SNX4: variants seen among roughly 807,000 people sequenced by gnomAD.
SNX4 encodes the protein sorting nexin-4.
A neutral mutation model predicts 70.8 loss-of-function variants in SNX4; 49 were observed. The observed-to-expected ratio is 0.69, with a 90% CI of 0.55 to 0.88. The LOEUF (loss-of-function observed/expected upper bound fraction) is 0.88, where lower values mean the gene tolerates loss of function less well. Ranked by LOEUF, SNX4 falls within the 40% of genes least tolerant of loss-of-function variation. SNX4 has a pLI of 0.00. For missense variants in SNX4, 528 were observed against 544.8 expected, an observed-to-expected ratio of 0.97 and a Z score of 0.31; for synonymous variants, 206 against 183.8, an observed-to-expected ratio of 1.12 and a Z score of -0.98.
rs746108147 is a variant in SNX4, at chr3:125,457,253, G to A, written c.1044+13C>T. The A allele has an allele frequency of 6.3e-7, 1 of 1,599,640 alleles. No individual in the cohort carries two copies. Among genetic ancestry groups the A allele is most frequent in the South Asian group, 1.1e-5 (1 of 90,832 alleles). ...GCTACAGTATCATCAGAGGCCAAAA[G>A]GAAAATACTCACCCCAGTTACCAGT... On this transcript the variant is annotated intron_variant, in intron 11 of 13. Coordinates refer to ENST00000251775, the MANE Select transcript of SNX4 (RefSeq NM_003794.4).
intron 6 of SNX4, among the ~76,000 whole-genome samples, chr3:125,485,439 AGGCATGTGCCACCATGC>A (rs2107549049): frequency 6.6e-6 from 1 of 152,190 alleles, no homozygotes; most frequent in South Asian, 2.1e-4. Flanking sequence ...CTGGGATTAC[AGGCATGTGCCACCATGC>A]CTGGCTAATT....
At chr3:125,465,932 T>A (rs557434102) in intron 9 of SNX4, among the ~76,000 whole-genome samples, 1 of 152,326 alleles carries the variant, frequency 6.6e-6, no homozygotes. Flanking sequence ...TGTGAGCCAT[T>A]GTGCCCGGCC....
intron 8 of SNX4, among the ~76,000 whole-genome samples, chr3:125,471,887 T>C (rs779435043): frequency 6.6e-6 from 1 of 152,182 alleles, no homozygotes; most frequent in Non-Finnish European, 1.5e-5. Context: ...TCAGGTGCTA[T>C]TAATAAGGGA....
At chr3:125,495,275 T>TATATATATATATATACACACAC in intron 5 of SNX4, among the ~76,000 whole-genome samples, 1,550 of 82,938 alleles carry the variant, frequency 0.019, 47 homozygotes, top group Non-Finnish European at 0.03. Flanking sequence ...TATATATATA[T>TATATATATATATATACACACAC]ATACACATAC....
At chr3:125,494,746 T>A (rs1470425803) in intron 5 of SNX4, among the ~76,000 whole-genome samples, 1 of 152,190 alleles carries the variant, frequency 6.6e-6, no homozygotes, top group Non-Finnish European at 1.5e-5. Flanking sequence ...ACATACTGAA[T>A]TAAGAGTGCA....
chr3:125,485,908 T>C (rs1195306267), intron 6 of SNX4, among the ~76,000 whole-genome samples: 1 of 152,156 alleles, frequency 6.6e-6, no homozygotes, highest in Non-Finnish European at 1.5e-5. Context: ...TGGCGCGATC[T>C]TGGCTCACTG....
chr3:125,469,461 T>G lies in SNX4; in HGVS notation c.847A>C (p.Met283Leu), dbSNP rs759810174. The G allele has an allele frequency of 6.2e-7, 1 of 1,612,398 alleles. No homozygotes were observed. Among genetic ancestry groups the G allele is most frequent in the African/African-American group, 1.3e-5 (1 of 74,902 alleles). ...AGTTCTCGAGGTACTTACACATCCA[T>G]ATGATGACCAGCACTCTGCAGTCCA... ...GDGLQSAGHH[M>L]DVYASSIDDI... Residue 283 changes from methionine to leucine, a missense_variant, in exon 9 of 14, where the codon ATG becomes CTG. Transcript: ENST00000251775.
intron 12 of SNX4, 96 bp from the exon 13 acceptor site, chr3:125,451,515 C>T (rs910451944): frequency 1.3e-6 from 1 of 797,544 alleles, no homozygotes; most frequent in Non-Finnish European, 2.1e-6. Flanking sequence ...TTTTAATTGC[C>T]TATGTAGAAG....
At chr3:125,448,326 A>C (rs112867103) in intron 13 of SNX4, among the ~76,000 whole-genome samples, 2,226 of 149,250 alleles carry the variant, frequency 0.015, 32 homozygotes, top group South Asian at 0.024. Context: ...GTAGAAATGG[A>C]ATCTCACTAT....
intron 8 of SNX4, among the ~76,000 whole-genome samples, chr3:125,471,056 G>A (rs916083501): frequency 1.3e-5 from 2 of 152,006 alleles, no homozygotes; most frequent in African/African-American, 4.8e-5. Context: ...AGTCAAAAGA[G>A]CTTTTTGGCA....
intron 10 of SNX4, among the ~76,000 whole-genome samples, chr3:125,459,598 G>A (rs1222048973): frequency 6.6e-6 from 1 of 152,002 alleles, no homozygotes; most frequent in African/African-American, 2.4e-5. Context: ...CACTATGCCT[G>A]GCTAACTTTT....
At chr3:125,493,112 G>A (rs1254587909) in intron 5 of SNX4, among the ~76,000 whole-genome samples, 2 of 152,082 alleles carry the variant, frequency 1.3e-5, no homozygotes, top group Non-Finnish European at 2.9e-5. Context: ...TATATTTTGT[G>A]TATGTATTTA....
At chr3:125,502,977 A>G (rs1455197959) in intron 2 of SNX4, among the ~76,000 whole-genome samples, 4 of 147,316 alleles carry the variant, frequency 2.7e-5, no homozygotes, top group Non-Finnish European at 6.0e-5. Context: ...GCTGGAGTGC[A>G]GTGGCAATCT....
At chr3:125,472,557 C>A (rs1452540548) in intron 8 of SNX4, among the ~76,000 whole-genome samples, 1 of 152,140 alleles carries the variant, frequency 6.6e-6, no homozygotes, top group East Asian at 1.9e-4. Context: ...AGTATCCATA[C>A]AATGTAGATT....
At chr3:125,457,460 T>C (rs1192540236) in intron 10 of SNX4, 95 bp from the exon 11 acceptor site, 2 of 851,736 alleles carry the variant, frequency 2.3e-6, no homozygotes, top group South Asian at 2.9e-5. Flanking sequence ...AATGTCTCGC[T>C]AGGGCAGAAT....
chr3:125,485,622 C>T (rs963666168), intron 6 of SNX4, among the ~76,000 whole-genome samples: 4 of 152,024 alleles, frequency 2.6e-5, no homozygotes, highest in South Asian at 2.1e-4. Flanking sequence ...TATTTGCATA[C>T]GGCTGTAGTT....
At chr3:125,456,418 T>C (rs1933717152) in intron 11 of SNX4, among the ~76,000 whole-genome samples, 3 of 152,142 alleles carry the variant, frequency 2.0e-5, no homozygotes, top group South Asian at 4.1e-4. Context: ...CCTAGCACTT[T>C]GGGAGGCGGA....
intron 6 of SNX4, among the ~76,000 whole-genome samples, chr3:125,485,852 T>A (rs1166857171): frequency 1.3e-5 from 2 of 152,206 alleles, no homozygotes; most frequent in African/African-American, 4.8e-5. Context: ...AAGCATTCTG[T>A]TTTTTTGAGA....
chr3:125,508,580 A>T (rs1333948149), intron 1 of SNX4, among the ~76,000 whole-genome samples: 3 of 152,096 alleles, frequency 2.0e-5, no homozygotes, highest in East Asian at 3.9e-4. Flanking sequence ...AAAAAAAAAA[A>T]AGAAAATGTA....
Sources: allele counts gnomAD v4.1 joint callset (sites outside exome capture counted in the v4.1 genomes callset), GRCh38; gene constraint gnomAD v4.1.1; transcripts MANE v1.5; gene names NCBI Gene and HGNC (gene_info 2026-07-23, HGNC 2026-07-21).